Variants in MRPL39 observed in about 807,000 individuals in gnomAD.
MRPL39 encodes the protein large ribosomal subunit protein mL39.
In MRPL39, 35 loss-of-function variants were observed where a neutral mutation model predicts 44.5. The ratio of observed to expected loss-of-function variants is 0.79; its 90% CI spans 0.60 to 1.04. The LOEUF is 1.04. Ranked by LOEUF, MRPL39 falls within the 50% of genes least tolerant of loss-of-function variation. The pLI, the probability that MRPL39 is intolerant of heterozygous loss-of-function variation, is 0.00. For synonymous variants in MRPL39, 139 were observed against 136.1 expected (o/e 1.02, Z -0.15); for missense variants, 433 against 413.5 (o/e 1.05, Z -0.41).
chr21:25,587,843 G>A, intron 9 of MRPL39: 1 of 1,314,390 alleles, frequency 7.6e-7, no homozygotes, highest in Non-Finnish European at 1.1e-6. Context: ...TAAGTTTAAT[G>A]TGTGATGCTT....
intron 6 of MRPL39, among the ~76,000 whole-genome samples, chr21:25,595,764 C>G (rs1264535781): frequency 6.6e-6 from 1 of 152,040 alleles, no homozygotes; most frequent in East Asian, 1.9e-4. Flanking sequence ...TTTGTTTTGA[C>G]TTTTTTTCAA....
chr21:25,590,306 TC>T (rs2031132598), intron 8 of MRPL39, among the ~76,000 whole-genome samples: 1 of 151,840 alleles, frequency 6.6e-6, no homozygotes, highest in Admixed American at 6.6e-5. Context: ...TCTTTTGGCT[TC>T]CCTGGGCCAC....
chr21:25,606,341 C>G, intron 2 of MRPL39, 108 bp downstream of exon 2: 1 of 995,766 alleles, frequency 1.0e-6, no homozygotes, highest in African/African-American at 1.6e-5. Flanking sequence ...AAGGGATTGC[C>G]ATGGCCACAG....
At chr21:25,595,180 C>A (rs1392076969) in intron 6 of MRPL39, among the ~76,000 whole-genome samples, 1 of 152,182 alleles carries the variant, frequency 6.6e-6, no homozygotes, top group Admixed American at 6.5e-5. Context: ...CAGGTGTATG[C>A]ACAATTATGT....
chr21:25,590,155 G>C (rs2031126862), intron 8 of MRPL39, among the ~76,000 whole-genome samples: 2 of 152,190 alleles, frequency 1.3e-5, no homozygotes, highest in Admixed American at 1.3e-4. Context: ...TAGATGAGAT[G>C]TTATAAGGTG....
rs2031468805 is a variant in MRPL39, at chr21:25,599,803, G to C, written c.584C>G (p.Thr195Arg). ...ACTCCAGAAGAATACACTTACTTTTGTTGGCATCCACTCATCAAGTTTGCT... is the reference window on the plus strand; with the variant it reads ...ACTCCAGAAGAATACACTTACTTTTCTTGGCATCCACTCATCAAGTTTGCT... ...LDSKLDEWMP[T>R]KENLRSFTKD... The change falls in exon 5 of 10, where the codon ACA (threonine) becomes AGA (arginine). Residue 195 changes from threonine to arginine, a missense_variant. Physicochemically the swap from Thr to Arg is moderately conservative, Grantham distance 71. Coordinates refer to ENST00000352957, the MANE Select transcript of MRPL39 (RefSeq NM_017446.4). 1 of 1,609,884 alleles carries C rather than the reference G, an allele frequency of 6.2e-7. No individual in the cohort carries two copies. Among genetic ancestry groups the C allele is most frequent in the Non-Finnish European group, 8.5e-7 (1 of 1,176,560 alleles).
At chr21:25,600,588 A>C (rs1482840296) in intron 4 of MRPL39, among the ~76,000 whole-genome samples, 2 of 150,676 alleles carry the variant, frequency 1.3e-5, no homozygotes, top group African/African-American at 2.4e-5. Context: ...AAAAAAAAAA[A>C]AATTTGACAC....
At chr21:25,602,889 T>A (rs1342793271) in intron 3 of MRPL39, among the ~76,000 whole-genome samples, 1 of 152,166 alleles carries the variant, frequency 6.6e-6, no homozygotes, top group Non-Finnish European at 1.5e-5. Flanking sequence ...CCCACCCAAA[T>A]CTCATCTCGA....
At position 25,603,923 on chromosome 21, in the gene MRPL39, C is replaced by G. The variant is rs770620551; in HGVS notation, c.293G>C (p.Trp98Ser). The G allele has an allele frequency of 1.2e-6, 2 of 1,607,306 alleles. No individual in the cohort carries two copies. The highest frequency in any genetic ancestry group is 2.7e-5 in the African/African-American group (2 of 74,450). The change falls in exon 3 of 10, where the codon TGG becomes TCG. Residue 98 changes from tryptophan to serine, a missense_variant. Trp to Ser is a radical substitution (Grantham distance 177). Coordinates refer to ENST00000352957, the MANE Select transcript of MRPL39 (RefSeq NM_017446.4). Reference sequence around the variant, plus strand: ...AGCCAGAATGGACTTCCTGCAATACCACTCGCTTAAATCTAGAAATTTAAA... The same window carrying G: ...AGCCAGAATGGACTTCCTGCAATACGACTCGCTTAAATCTAGAAATTTAAA... ...PYSCAMHLSE[W>S]YCRKSILALV...
intron 6 of MRPL39, among the ~76,000 whole-genome samples, chr21:25,594,249 C>CTTTTTTTTTTTTTTTTTTT (rs34629790): frequency 3.7e-5 from 2 of 54,260 alleles, no homozygotes; most frequent in South Asian, 3.7e-4. Context: ...TTTCTTTGTT[C>CTTTTTTTTTTTTTTTTTTT]TTTTTTTTTT....
chr21:25,603,672 C>T, intron 3 of MRPL39, 124 bp downstream of exon 3: 1 of 1,007,712 alleles, frequency 9.9e-7, no homozygotes, highest in South Asian at 2.0e-5. Context: ...AAAACATTGA[C>T]TAAAGAGTAC....
intron 6 of MRPL39, 96 bp downstream of exon 6, chr21:25,597,206 T>C: frequency 1.4e-6 from 1 of 739,722 alleles, no homozygotes; most frequent in Non-Finnish European, 2.3e-6. Flanking sequence ...CACTGTCACA[T>C]GTATATCAAA....
chr21:25,597,221 A>G lies in MRPL39; in HGVS notation c.701+81T>C, dbSNP rs537963649. 2.2e-5 allele frequency: 20 copies of G among 893,720 alleles called. No individual in the cohort carries two copies. In the East Asian group the frequency reaches 5.5e-4, roughly 24 times the overall value. 55.4% of individuals were successfully genotyped at this position (893,720 alleles called of 1,614,324 possible). A position where few individuals can be genotyped will look rare whatever the true frequency, so the allele number is the denominator to read the frequency against. On this transcript the variant is annotated intron_variant, in intron 6 of 9. Coordinates refer to ENST00000352957, the MANE Select transcript of MRPL39 (RefSeq NM_017446.4). ...CACTGTCACATGTATATCAAATATA[A>G]AAATTTTTAAGACCTGAATTTTCTT...
rs2031220232 is a variant in MRPL39, at chr21:25,592,802, C to A, written c.921+10G>T. The A allele has an allele frequency of 1.3e-6, 2 of 1,581,658 alleles. No homozygotes were observed. The highest frequency in any genetic ancestry group is 1.2e-5 in the South Asian group (1 of 86,266). ...AAATTGGAAGACCTAGAACTTTAAG[C>A]TTTACTTACTCTTAAGTGAACAGGT... On this transcript the variant is annotated intron_variant, in intron 8 of 9. Coordinates refer to ENST00000352957, the MANE Select transcript of MRPL39 (RefSeq NM_017446.4).
Position 25,588,842 on chromosome 21 carries a change from C to T in MRPL39, c.962G>A (p.Arg321Gln), listed in dbSNP as rs1383562052. ...GCTGTCAAAAACACTTACCATTTTC[C>T]GAGATCTTTCCAATAGCTTATCCCA... ...TIWDKLLERS[R>Q]KMVTEDQSKA... is the part of the protein sequence containing the mutation. Residue 321 changes from arginine (R) to glutamine (Q), a missense_variant, in exon 9 of 10, where the codon CGG (arginine) becomes CAG (glutamine). Arg to Gln is a conservative substitution (Grantham distance 43). Transcript: ENST00000352957. 3.7e-6 allele frequency: 6 copies of T among 1,612,192 alleles called. No homozygotes were observed. Among genetic ancestry groups the T allele is most frequent in the South Asian group, 1.1e-5 (1 of 90,876 alleles).
At position 25,607,446 on chromosome 21, in the gene MRPL39, C is replaced by T. The variant is rs146076589; in HGVS notation, c.30G>A (p.Ala10=). 1.4e-4 allele frequency: 222 copies of T among 1,613,082 alleles called. No individual in the cohort carries two copies. The highest frequency in any genetic ancestry group is 1.6e-4 in the Middle Eastern group (1 of 6,062). The change falls in exon 1 of 10, where the codon GCG becomes GCA. Residue 10 remains alanine, a synonymous_variant. Transcript: ENST00000352957. The stretch of plus-strand genomic sequence containing the variant: ...CGGGTGCGACCAGCCAGAGCCGCAG[C>T]GCCCGGGAACCCATGGCCAGCGCCT... MEALAMGSR[A]LRLWLVAPGG...
At chr21:25,596,665 G>A (rs952708859) in intron 6 of MRPL39, among the ~76,000 whole-genome samples, 4 of 60,396 alleles carry the variant, frequency 6.6e-5, no homozygotes, top group South Asian at 9.9e-4. Context: ...TTTGGCTTCA[G>A]ACTCTGTTAT....
rs748379726 is a variant in MRPL39, at chr21:25,592,919, T to C, written c.814A>G (p.Thr272Ala). ...ACTTCATACTGGAAACAAATACTTG[T>C]TCTTGGAATAAGAGGGCCCTCACTC... ...DVSEGPLIPR[T>A]SICFQYEVSA... is the part of the protein sequence containing the mutation. Residue 272 changes from threonine to alanine, a missense_variant, in exon 8 of 10, where the codon ACA (threonine) becomes GCA (alanine). Transcript: ENST00000352957. The C allele has an allele frequency of 6.2e-7, 1 of 1,613,512 alleles. No individual in the cohort carries two copies. The highest frequency in any genetic ancestry group is 1.1e-5 in the South Asian group (1 of 91,042).
At position 25,603,036 on chromosome 21, in the gene MRPL39, T is replaced by C. The variant is rs180799435; in HGVS notation, c.420+760A>G. On this transcript the variant is annotated intron_variant, in intron 3 of 9. Transcript: ENST00000352957. ...GCAGTTCTTCCCTCACTCTCTCTCT[T>C]GCCTCCATGTAAGATGTTCCTGCTT... Among the ~76,000 whole-genome samples, 973 of 152,336 alleles carry C rather than the reference T, an allele frequency of 6.4e-3. 7 individuals are homozygous for C. The highest frequency in any genetic ancestry group is 8.5e-3 in the Non-Finnish European group (577 of 68,028).
Sources: gnomAD v4.1 joint callset for allele counts (sites outside exome capture counted in the v4.1 genomes callset) on GRCh38, gnomAD v4.1.1 for gene constraint, MANE v1.5 for transcripts, NCBI Gene and HGNC (gene_info 2026-07-23, HGNC 2026-07-21) for gene names.